Variants in CA10 observed in about 807,000 individuals in gnomAD.
CA10 encodes the protein carbonic anhydrase 10 (inactive), also known as carbonic anhydrase-related protein 10.
In CA10, 14 loss-of-function variants were observed where a neutral mutation model predicts 44.2. That is an observed-to-expected ratio of 0.32 (90% CI 0.21 to 0.50). The LOEUF is 0.50. CA10 is among the 20% of genes least tolerant of loss of function. The pLI is 0.99. For synonymous variants in CA10, 159 were observed against 141.6 expected, an observed-to-expected ratio of 1.12 and a Z score of -0.87; for missense variants, 350 against 409.7, an observed-to-expected ratio of 0.85 and a Z score of 1.26.
chr17:51,927,184 A>G (rs1047641417), intron 3 of CA10, among the ~76,000 whole-genome samples: 5 of 152,116 alleles, frequency 3.3e-5, no homozygotes, highest in South Asian at 2.1e-4. Context: ...TTAATATATG[A>G]TAATTATGTT....
intron 1 of CA10, among the ~76,000 whole-genome samples, chr17:52,152,985 T>A (rs999717508): frequency 6.6e-6 from 1 of 152,162 alleles, no homozygotes; most frequent in Admixed American, 6.5e-5. Context: ...AATGGCTTGC[T>A]ATCATACACA....
chr17:51,732,090 A>G (rs991450885), intron 4 of CA10, among the ~76,000 whole-genome samples: 4 of 152,224 alleles, frequency 2.6e-5, no homozygotes, highest in Admixed American at 1.3e-4. Context: ...GAAGGCACAC[A>G]GTAGGTGGTA....
intron 2 of CA10, among the ~76,000 whole-genome samples, chr17:52,050,991 GGGAA>G (rs528583103): frequency 5.2e-4 from 77 of 148,452 alleles, no homozygotes; most frequent in Admixed American, 9.5e-4. Flanking sequence ...AGAAAAAAAA[GGGAA>G]GGAAGGAAGG....
At chr17:51,703,515 C>A (rs1915666552) in intron 4 of CA10, among the ~76,000 whole-genome samples, 1 of 150,064 alleles carries the variant, frequency 6.7e-6, no homozygotes, top group South Asian at 2.1e-4. Flanking sequence ...CCCCACCCAT[C>A]CATATTGTTT....
chr17:52,086,544 G>A (rs1302036278), intron 1 of CA10, among the ~76,000 whole-genome samples: 1 of 152,172 alleles, frequency 6.6e-6, no homozygotes, highest in Non-Finnish European at 1.5e-5. Flanking sequence ...ACAACTAAAT[G>A]TAAAAGGAGG....
chr17:51,712,316 CA>C (rs1915964515), intron 4 of CA10, among the ~76,000 whole-genome samples: 1 of 152,186 alleles, frequency 6.6e-6, no homozygotes, highest in African/African-American at 2.4e-5. Context: ...TGTAGTTTTT[CA>C]TTAGTAATGA....
chr17:51,841,819 T>TA (rs1235922434), intron 3 of CA10, among the ~76,000 whole-genome samples: 1 of 152,204 alleles, frequency 6.6e-6, no homozygotes, highest in African/African-American at 2.4e-5. Context: ...AGGGAGGGTA[T>TA]ATTAGGACCC....
chr17:51,930,743 G>A (rs141445641), intron 3 of CA10, among the ~76,000 whole-genome samples: 4 of 152,084 alleles, frequency 2.6e-5, no homozygotes, highest in Non-Finnish European at 5.9e-5. Flanking sequence ...GGGTACCAAG[G>A]TTGTCTGATA....
intron 3 of CA10, among the ~76,000 whole-genome samples, chr17:51,898,103 T>A (rs1175239136): frequency 6.6e-6 from 1 of 152,152 alleles, no homozygotes; most frequent in Non-Finnish European, 1.5e-5. Flanking sequence ...CAGTACTATG[T>A]TGAATAGAAG....
intron 3 of CA10, among the ~76,000 whole-genome samples, chr17:51,913,219 G>A (rs1411944811): frequency 3.9e-5 from 6 of 152,120 alleles, no homozygotes; most frequent in Non-Finnish European, 8.8e-5. Flanking sequence ...AAAGGTTTCA[G>A]GACACTCTCA....
chr17:52,125,947 C>A (rs1350157366), intron 1 of CA10, among the ~76,000 whole-genome samples: 1 of 152,120 alleles, frequency 6.6e-6, no homozygotes, highest in Non-Finnish European at 1.5e-5. Context: ...CTCATTCATT[C>A]ATTCTTTCAA....
chr17:51,829,853 G>A (rs1287509519), intron 3 of CA10, among the ~76,000 whole-genome samples: 1 of 152,128 alleles, frequency 6.6e-6, no homozygotes, highest in East Asian at 1.9e-4. Context: ...ACTTTGTTAT[G>A]AAGTTTAGAA....
Position 51,640,626 on chromosome 17 carries a change from C to G in CA10, c.635-4617G>C, listed in dbSNP as rs115494955. Among the ~76,000 whole-genome samples, 614 of 152,290 alleles carry G rather than the reference C, an allele frequency of 4.0e-3. 6 individuals carry two copies. The highest frequency in any genetic ancestry group is 0.034 in the Middle Eastern group (10 of 294). ...GCTAACTTTCTGCATCTTCTTTTCT[C>G]TCTGTTGAAGCTTGCTTTGTATGTT... On this transcript the variant is annotated intron_variant, in intron 6 of 8. Coordinates refer to ENST00000451037, the MANE Select transcript of CA10 (RefSeq NM_020178.5).
At chr17:51,798,079 A>G (rs4794305) in intron 3 of CA10, among the ~76,000 whole-genome samples, 113,869 of 151,982 alleles carry the variant, frequency 0.75, 42,983 homozygotes, top group East Asian at 0.86. Flanking sequence ...AAATGCCTTC[A>G]CCTCTTTTGT....
At chr17:51,871,050 CTTTTTTTTTT>C (rs56319440) in intron 3 of CA10, among the ~76,000 whole-genome samples, 11 of 94,854 alleles carry the variant, frequency 1.2e-4, no homozygotes, top group South Asian at 3.3e-4. Flanking sequence ...TCCCACTTTA[CTTTTTTTTTT>C]TTTTTTTTTT....
chr17:51,835,337 A>AAG (rs1908437857), intron 3 of CA10, among the ~76,000 whole-genome samples: 1 of 152,152 alleles, frequency 6.6e-6, no homozygotes, highest in Non-Finnish European at 1.5e-5. Flanking sequence ...TACGGTTGAG[A>AAG]AGAGAGACCA....
rs187533967 is a variant in CA10, at chr17:51,630,698, T to G, written c.*886A>C. On this transcript the variant is annotated 3_prime_UTR_variant, in exon 9 of 9. Coordinates refer to ENST00000451037, the MANE Select transcript of CA10 (RefSeq NM_020178.5). ...CATGTAGATGAAGGAACAAGTGAAA[T>G]CAAAGAATGCAGTTGCATGGAGCCA... 2.0e-5 allele frequency: 3 copies of G among 152,592 alleles called. No individual in the cohort carries two copies. Among genetic ancestry groups the G allele is most frequent in the Admixed American group, 2.0e-4 (3 of 15,302 alleles). The allele number at this position is 152,592 out of a possible 1,614,324, so 9.5% of individuals were successfully genotyped here.
chr17:51,799,368 A>C (rs750607766), intron 3 of CA10, among the ~76,000 whole-genome samples: 1 of 152,198 alleles, frequency 6.6e-6, no homozygotes, highest in East Asian at 1.9e-4. Context: ...TCTGTAAGTC[A>C]TCTAGGCAGC....
chr17:51,690,764 A>G (rs1030608724), intron 4 of CA10, among the ~76,000 whole-genome samples: 2 of 152,116 alleles, frequency 1.3e-5, no homozygotes, highest in African/African-American at 4.8e-5. Flanking sequence ...TTTATAAATT[A>G]CCCAGTCTTG....
Sources: gnomAD v4.1 joint callset for allele counts (sites outside exome capture counted in the v4.1 genomes callset) on GRCh38, gnomAD v4.1.1 for gene constraint, MANE v1.5 for transcripts, NCBI Gene and HGNC (gene_info 2026-07-23, HGNC 2026-07-21) for gene names.